ZNF880: variants seen among roughly 807,000 people sequenced by gnomAD.
The protein encoded by ZNF880 is zinc finger protein LOC400713.
A neutral mutation model predicts 11.8 loss-of-function variants in ZNF880; 12 were observed. The ratio of observed to expected loss-of-function variants is 1.02; its 90% CI spans 0.65 to 1.65. The LOEUF (loss-of-function observed/expected upper bound fraction) is 1.65, where lower values mean the gene tolerates loss of function less well. Ranked by LOEUF, ZNF880 falls within the 40% of genes most tolerant of loss-of-function variation. ZNF880 has a pLI of 0.00. For synonymous variants in ZNF880, 210 were observed against 232.4 expected, an observed-to-expected ratio of 0.90 and a Z score of 0.88; for missense variants, 601 against 673.9, an observed-to-expected ratio of 0.89 and a Z score of 1.20.
the ZNF880 span, among the ~76,000 whole-genome samples, chr19:52,394,092 G>A: frequency 2.0e-5 from 3 of 151,874 alleles, no homozygotes; most frequent in African/African-American, 4.8e-5. Context: ...ACCTGCCTTG[G>A]CCTCCCAAAG....
rs1412901412 is a variant in ZNF880, at chr19:52,385,048, AAACCTTACAAAT to A, written c.1469_1480del (p.Lys490_Cys494delinsSer). ...TCATCACAGAATCCATACTGGAGAG[AAACCTTACAAAT>A]GCAGTGAATGTCACAAAGTCTTTAG... is the stretch of plus-strand genomic sequence containing the variant. On this transcript the variant is annotated inframe_deletion, in exon 4 of 4. Coordinates refer to ENST00000422689, the MANE Select transcript of ZNF880 (RefSeq NM_001145434.2). 4 of 1,568,810 alleles carry A rather than the reference AAACCTTACAAAT, an allele frequency of 2.5e-6. No individual in the cohort carries two copies. Among genetic ancestry groups the A allele is most frequent in the South Asian group, 2.3e-5 (2 of 85,498 alleles).
Position 52,384,407 on chromosome 19 carries a change from T to A in ZNF880, c.827T>A (p.Val276Asp). ...KPYKCHECGK[V>D]FTQNSHLANH... ...TACAAATGTCATGAGTGTGGCAAAG[T>A]CTTCACTCAAAATTCTCACCTTGCA... is the stretch of plus-strand genomic sequence containing the variant. The change falls in exon 4 of 4, where the codon GTC becomes GAC. Residue 276 changes from valine (V) to aspartate (D), a missense_variant. By Grantham distance (152) the Val-to-Asp change is radical (BLOSUM62 -3). Transcript: ENST00000422689. The A allele has an allele frequency of 6.2e-7, 1 of 1,613,668 alleles. No individual in the cohort carries two copies. The highest frequency in any genetic ancestry group is 1.1e-5 in the South Asian group (1 of 91,038).
upstream of ZNF880, chr19:52,369,903 C>T (rs950312725): frequency 2.4e-5 from 37 of 1,550,338 alleles, no homozygotes; most frequent in East Asian, 2.4e-5. Flanking sequence ...GGCCTCGCCT[C>T]GCCTCTCAGC....
At chr19:52,377,561 A>G (rs1986591429) in intron 3 of ZNF880, among the ~76,000 whole-genome samples, 1 of 152,228 alleles carries the variant, frequency 6.6e-6, no homozygotes, top group Non-Finnish European at 1.5e-5. Flanking sequence ...CACAAGTAGC[A>G]GGTTGTCACC....
At chr19:52,371,628 G>A (rs1986374564) in intron 1 of ZNF880, among the ~76,000 whole-genome samples, 1 of 151,992 alleles carries the variant, frequency 6.6e-6, no homozygotes, top group East Asian at 1.9e-4. Context: ...CACCTGCCTT[G>A]GCCTCCCAAA....
At position 52,370,090 on chromosome 19, in the gene ZNF880, C is replaced by G. The variant is rs553427999; in HGVS notation, c.12+113C>G. The G allele has an allele frequency of 1.6e-4, 211 of 1,349,512 alleles. No individual in the cohort carries two copies. In the African/African-American group the frequency reaches 2.9e-3, roughly 18 times the overall value. 83.6% of individuals were successfully genotyped at this position (1,349,512 alleles called of 1,614,324 possible). On this transcript the variant is annotated intron_variant, in intron 1 of 3. Transcript: ENST00000422689. ...GAAATCCCCGCATCGCTCCCTCCAC[C>G]CCGACTAAACTCAGACGTTCTAATG...
At chr19:52,392,729 T>A in the ZNF880 span, 20 of 226,542 alleles carry the variant, frequency 8.8e-5, no homozygotes, top group African/African-American at 4.7e-4. Context: ...CTCTGGAGAG[T>A]GAAGGGAAAA....
chr19:52,381,305 ATCT>A (rs1163646582), intron 3 of ZNF880, among the ~76,000 whole-genome samples: 1 of 152,120 alleles, frequency 6.6e-6, no homozygotes, highest in African/African-American at 2.4e-5. Flanking sequence ...TAATTGTTGT[ATCT>A]TCTTGGTGAA....
At chr19:52,392,928 C>T in the ZNF880 span, among the ~76,000 whole-genome samples, 1 of 152,030 alleles carries the variant, frequency 6.6e-6, no homozygotes, top group Non-Finnish European at 1.5e-5. Flanking sequence ...CTCAAGTCAT[C>T]CTCCTTCCTC....
At chr19:52,379,085 T>A (rs910833752) in intron 3 of ZNF880, among the ~76,000 whole-genome samples, 3 of 145,636 alleles carry the variant, frequency 2.1e-5, no homozygotes, top group Admixed American at 7.1e-5. Context: ...GAAAAAAAAA[T>A]AAGAAGAAAA....
intron 3 of ZNF880, 90 bp from the exon 4 acceptor site, chr19:52,383,757 TGA>T: frequency 7.6e-7 from 1 of 1,310,798 alleles, no homozygotes; most frequent in Non-Finnish European, 1.0e-6. Context: ...TTCCCATGTC[TGA>T]GTCAGGTGAG....
intron 3 of ZNF880, chr19:52,379,955 G>GTA (rs949577010): frequency 2.0e-5 from 3 of 151,846 alleles, no homozygotes; most frequent in African/African-American, 7.3e-5. Flanking sequence ...ATAGAGTGTG[G>GTA]TATACAATCT....
At position 52,383,315 on chromosome 19, in the gene ZNF880, T is replaced by C. The variant is rs535572695; in HGVS notation, c.269-534T>C. Among the ~76,000 whole-genome samples, 98 of 152,334 alleles carry C rather than the reference T, an allele frequency of 6.4e-4. No homozygotes were observed. The South Asian group carries it at 7.2e-3, about 11-fold the overall frequency. Reference sequence around the variant, plus strand: ...GCTTGTTTTGTGGAGATTGATTGATTGATCATAATTTTAGCCATATTTCCC... The same window carrying C: ...GCTTGTTTTGTGGAGATTGATTGATCGATCATAATTTTAGCCATATTTCCC... On this transcript the variant is annotated intron_variant, in intron 3 of 3. Transcript: ENST00000422689.
intron 1 of ZNF880, among the ~76,000 whole-genome samples, chr19:52,370,971 A>G (rs1401536262): frequency 6.6e-6 from 1 of 151,946 alleles, no homozygotes; most frequent in Non-Finnish European, 1.5e-5. Flanking sequence ...TTGACAGACA[A>G]CTCTTTCAGT....
At chr19:52,391,800 G>A in the ZNF880 span, among the ~76,000 whole-genome samples, 17 of 152,264 alleles carry the variant, frequency 1.1e-4, no homozygotes, top group Admixed American at 2.6e-4. Flanking sequence ...ACTCATTCAG[G>A]TATGGGTCAC....
At chr19:52,397,136 T>C in the ZNF880 span, 1 of 114,036 alleles carries the variant, frequency 8.8e-6, no homozygotes, top group African/African-American at 3.6e-5. Context: ...TTTATGGCTA[T>C]TTTTATAAGT....
Position 52,384,618 on chromosome 19 carries a change from C to T in ZNF880, c.1038C>T (p.His346=), listed in dbSNP as rs748576897. 1 of 1,612,086 alleles carries T rather than the reference C, an allele frequency of 6.2e-7. No individual in the cohort carries two copies. The highest frequency in any genetic ancestry group is 1.7e-5 in the Admixed American group (1 of 59,626). Residue 346 remains histidine (H), a synonymous_variant, in exon 4 of 4, where the codon CAC becomes CAT. Transcript: ENST00000422689. ...GSGLTAHLVI[H]TGEKLYKCNK... ...GCCTTACTGCTCATCTTGTAATTCA[C>T]ACTGGAGAGAAACTTTACAAATGTA...
At chr19:52,368,197 T>C (rs1282476611), upstream of ZNF880, among the ~76,000 whole-genome samples, 1 of 96,512 alleles carries the variant, frequency 1.0e-5, no homozygotes, top group Non-Finnish European at 2.0e-5. Flanking sequence ...AGAGCAAGGC[T>C]CCGTCTCAAA....
the ZNF880 span, chr19:52,396,479 G>C: frequency 6.6e-6 from 1 of 152,264 alleles, no homozygotes; most frequent in Non-Finnish European, 1.5e-5. Flanking sequence ...GAGCAGTGCC[G>C]TAGTCCAGGA....
Sources: gnomAD v4.1 joint callset for allele counts (sites outside exome capture counted in the v4.1 genomes callset) on GRCh38, gnomAD v4.1.1 for gene constraint, MANE v1.5 for transcripts, NCBI Gene and HGNC (gene_info 2026-07-23, HGNC 2026-07-21) for gene names.